The following FCRL2 variants were observed in gnomAD, a reference collection of about 807,000 sequenced individuals.
FCRL2 encodes Fc receptor like 2, also known as Fc receptor-like protein 2.
Under a neutral mutation model 59.8 loss-of-function variants are expected in FCRL2, and 48 were observed. That is an observed-to-expected ratio of 0.80 (90% CI 0.64 to 1.02). The LOEUF (loss-of-function observed/expected upper bound fraction) is 1.02, where lower values mean the gene tolerates loss of function less well. FCRL2 is among the 50% of genes least tolerant of loss of function. The pLI, the probability that FCRL2 is intolerant of heterozygous loss-of-function variation, is 0.00. For missense variants in FCRL2, 658 were observed against 597.3 expected, an observed-to-expected ratio of 1.10 and a Z score of -1.06; for synonymous variants, 251 against 229.5, an observed-to-expected ratio of 1.09 and a Z score of -0.85.
At chr1:157,766,003 ACT>A (rs951897155) in intron 7 of FCRL2, among the ~76,000 whole-genome samples, 9 of 152,036 alleles carry the variant, frequency 5.9e-5, no homozygotes, top group Non-Finnish European at 1.2e-4. Flanking sequence ...GCTCTAGTTG[ACT>A]CTCAGCTGAA....
intron 7 of FCRL2, among the ~76,000 whole-genome samples, chr1:157,763,867 G>T (rs1259977349): frequency 6.6e-6 from 1 of 151,584 alleles, no homozygotes; most frequent in Non-Finnish European, 1.5e-5. Context: ...CGTCTCTACT[G>T]AAAATACAAA....
At chr1:157,749,388 T>C (rs530997459) in intron 8 of FCRL2, among the ~76,000 whole-genome samples, 4 of 152,130 alleles carry the variant, frequency 2.6e-5, no homozygotes, top group South Asian at 2.1e-4. Flanking sequence ...AGGTATTCAA[T>C]AATCTTGAAT....
At chr1:157,750,431 T>C (rs16839048) in intron 7 of FCRL2, among the ~76,000 whole-genome samples, 2,701 of 152,318 alleles carry the variant, frequency 0.018, 69 homozygotes, top group African/African-American at 0.061. Context: ...CAGAGGTCAC[T>C]ACTACAAGAG....
At chr1:157,775,506 TC>T (rs1225895350) in intron 2 of FCRL2, among the ~76,000 whole-genome samples, 1 of 152,226 alleles carries the variant, frequency 6.6e-6, no homozygotes, top group Non-Finnish European at 1.5e-5. Flanking sequence ...GTTCTTTTCT[TC>T]AATCTGCATG....
chr1:157,754,074 T>C (rs1458521448), intron 7 of FCRL2, among the ~76,000 whole-genome samples: 1 of 152,224 alleles, frequency 6.6e-6, no homozygotes, highest in Non-Finnish European at 1.5e-5. Flanking sequence ...TTTCTGGATG[T>C]GTCACAGGTA....
At chr1:157,764,138 A>G (rs1649318883) in intron 7 of FCRL2, among the ~76,000 whole-genome samples, 1 of 152,046 alleles carries the variant, frequency 6.6e-6, no homozygotes, top group Non-Finnish European at 1.5e-5. Flanking sequence ...CAGGAGGTGG[A>G]GGTTGCAGTG....
chr1:157,762,216 C>A lies in FCRL2; in HGVS notation c.1279+4639G>T, dbSNP rs530957776. 2.0e-5 allele frequency among the ~76,000 whole-genome samples: 3 copies of A among 152,314 alleles called. No individual in the cohort carries two copies. In the East Asian group the frequency reaches 5.8e-4, roughly 29 times the overall value. On this transcript the variant is annotated intron_variant, in intron 7 of 11. Transcript: ENST00000361516. ...ACTATCACCACAACTGATACCTACC[C>A]GCATGCACCATCTGCAGGTCTGGAG...
intron 7 of FCRL2, among the ~76,000 whole-genome samples, 158 bp from the exon 8 acceptor site, chr1:157,749,835 A>G (rs1438871902): frequency 6.6e-6 from 1 of 152,214 alleles, no homozygotes; most frequent in African/African-American, 2.4e-5. Flanking sequence ...TTATTCCAAC[A>G]CAACTAGTTG....
intron 7 of FCRL2, among the ~76,000 whole-genome samples, chr1:157,757,878 C>T (rs1344127605): frequency 2.0e-5 from 3 of 152,194 alleles, no homozygotes; most frequent in African/African-American, 7.2e-5. Context: ...AGGAGAATGG[C>T]GTGAACCCAG....
intron 5 of FCRL2, 137 bp from the exon 6 acceptor site, chr1:157,767,646 A>C: frequency 6.2e-7 from 1 of 1,606,860 alleles, no homozygotes; most frequent in Non-Finnish European, 8.5e-7. Context: ...CCACTAGAAC[A>C]GTTAGAGATA....
At chr1:157,768,998 T>C (rs1649759621) in intron 4 of FCRL2, 1 of 293,180 alleles carries the variant, frequency 3.4e-6, no homozygotes, top group East Asian at 6.8e-5. Context: ...AGACACCTTT[T>C]GCACAGAATA....
intron 7 of FCRL2, chr1:157,766,599 T>C: frequency 2.0e-6 from 1 of 497,560 alleles, no homozygotes. Flanking sequence ...CTTTTCATTT[T>C]AAAAGTCAAG....
chr1:157,758,163 T>C (rs1163132425), intron 7 of FCRL2, among the ~76,000 whole-genome samples: 1 of 152,028 alleles, frequency 6.6e-6, no homozygotes, highest in East Asian at 1.9e-4. Context: ...GTTTTGTAAG[T>C]GAGGAAACAG....
chr1:157,770,803 T>G, intron 2 of FCRL2, 137 bp from the exon 3 acceptor site: 2 of 925,532 alleles, frequency 2.2e-6, no homozygotes, highest in Non-Finnish European at 3.2e-6. Context: ...CCTTAATTAC[T>G]GAGAGTTTCA....
chr1:157,775,526 C>T (rs747657520), intron 2 of FCRL2, among the ~76,000 whole-genome samples: 2 of 152,214 alleles, frequency 1.3e-5, no homozygotes, highest in South Asian at 2.1e-4. Context: ...TGTTATTGCC[C>T]TTCTTAAAGC....
chr1:157,771,670 C>G (rs1340006953), intron 2 of FCRL2, among the ~76,000 whole-genome samples: 2 of 152,046 alleles, frequency 1.3e-5, no homozygotes, highest in African/African-American at 4.8e-5. Context: ...TAATTTTGAC[C>G]CCGTCACTTC....
intron 10 of FCRL2, 32 bp from the exon 11 acceptor site, chr1:157,746,931 T>G: frequency 6.2e-7 from 1 of 1,607,948 alleles, no homozygotes; most frequent in Non-Finnish European, 8.5e-7. Context: ...TTCTGAGCTC[T>G]TGCATTCTTA....
chr1:157,776,481 G>C (rs1031312121), intron 1 of FCRL2, among the ~76,000 whole-genome samples: 1 of 152,086 alleles, frequency 6.6e-6, no homozygotes, highest in African/African-American at 2.4e-5. Flanking sequence ...TGTTGGCCGG[G>C]GTGGTCTCGA....
intron 7 of FCRL2, among the ~76,000 whole-genome samples, chr1:157,757,906 G>A (rs933505977): frequency 3.0e-4 from 45 of 152,196 alleles, no homozygotes; most frequent in Admixed American, 6.5e-4. Flanking sequence ...AGCTTGCAGT[G>A]AGCCTAGATG....
Sources: gnomAD v4.1 joint callset for allele counts (sites outside exome capture counted in the v4.1 genomes callset) on GRCh38, gnomAD v4.1.1 for gene constraint, MANE v1.5 for transcripts, NCBI Gene and HGNC (gene_info 2026-07-23, HGNC 2026-07-21) for gene names.